The following MYBL1 variants were observed in gnomAD, a reference collection of about 807,000 sequenced individuals.
The protein encoded by MYBL1 is myb-related protein A.
MYBL1 carries 17 observed loss-of-function variants against 96.3 expected under a neutral mutation model. The ratio of observed to expected loss-of-function variants is 0.18; its 90% CI spans 0.12 to 0.26. The LOEUF (loss-of-function observed/expected upper bound fraction) is 0.26, where lower values mean the gene tolerates loss of function less well. Among genes scored for constraint, MYBL1 ranks in the 10% least tolerant of loss-of-function variants. The pLI is 1.00. For synonymous variants in MYBL1, 282 were observed against 292.7 expected, an observed-to-expected ratio of 0.96 and a Z score of 0.37; for missense variants, 701 against 882.9, an observed-to-expected ratio of 0.79 and a Z score of 2.61.
At chr8:66,575,691 G>C (rs1808908083) in intron 10 of MYBL1, among the ~76,000 whole-genome samples, 1 of 152,112 alleles carries the variant, frequency 6.6e-6, no homozygotes, top group Non-Finnish European at 1.5e-5. Flanking sequence ...TTGGGGGGCT[G>C]AGGCGGGAAG....
intron 1 of MYBL1, among the ~76,000 whole-genome samples, chr8:66,609,380 A>G (rs764878148): frequency 1.5e-4 from 23 of 152,034 alleles, no homozygotes; most frequent in Non-Finnish European, 2.5e-4. Context: ...CAAGTTGATA[A>G]TATTTTTAAT....
intron 1 of MYBL1, among the ~76,000 whole-genome samples, chr8:66,606,741 T>C (rs1320503916): frequency 6.6e-6 from 1 of 152,142 alleles, no homozygotes; most frequent in African/African-American, 2.4e-5. Context: ...CCTGAAGCCA[T>C]TGTCTATTTG....
Position 66,612,806 on chromosome 8 carries a change from G to T in MYBL1, c.20+13C>A. On this transcript the variant is annotated intron_variant, in intron 1 of 15. Coordinates refer to ENST00000522677, the MANE Select transcript of MYBL1 (RefSeq NM_001080416.4). ...CGGCGCCGACAGGCCTGGGCGAAAG[G>T]GGTGCCACCCACCTGCGCGACCTCT... 1 of 1,368,366 alleles carries T rather than the reference G, an allele frequency of 7.3e-7. No homozygotes were observed. The highest frequency in any genetic ancestry group is 2.1e-5 in the South Asian group (1 of 48,272). 84.8% of individuals were successfully genotyped at this position (1,368,366 alleles called of 1,614,324 possible).
rs1243576330 is a variant in MYBL1, at chr8:66,602,726, TA to T, written c.21-204del. 8.0e-3 allele frequency among the ~76,000 whole-genome samples: 408 copies of T among 50,926 alleles called. 2 individuals are homozygous for T. Among genetic ancestry groups the T allele is most frequent in the Non-Finnish European group, 0.01 (279 of 26,794 alleles). 33.4% of individuals were successfully genotyped at this position (50,926 alleles called of 152,430 possible). Reference sequence around the variant, plus strand: ...ATATATATATATATATATATATATATATATATATTTTTTTTTTTTTTTTTTT... The same window carrying T: ...ATATATATATATATATATATATATATTATATATTTTTTTTTTTTTTTTTTT... On this transcript the variant is annotated intron_variant, in intron 1 of 15. Transcript: ENST00000522677.
chr8:66,602,409 G>A lies in MYBL1; in HGVS notation c.126+9C>T, dbSNP rs367936713. Reference sequence around the variant, plus strand: ...TGTAAGAAACTATGAAACCTTGTCAGATAATTACCTCGTCCCTTGTCCATT... The same window carrying A: ...TGTAAGAAACTATGAAACCTTGTCAAATAATTACCTCGTCCCTTGTCCATT... On this transcript the variant is annotated intron_variant, in intron 2 of 15. Transcript: ENST00000522677. 1.2e-5 allele frequency: 19 copies of A among 1,557,232 alleles called. No individual in the cohort carries two copies. The highest frequency in any genetic ancestry group is 5.5e-5 in the African/African-American group (4 of 72,460).
chr8:66,574,379 T>C (rs1178611735), intron 10 of MYBL1, among the ~76,000 whole-genome samples: 7 of 152,194 alleles, frequency 4.6e-5, no homozygotes, highest in Admixed American at 4.6e-4. Context: ...AAACTGCTAG[T>C]ATGCCCAAGC....
chr8:66,571,815 T>C (rs1808740675), intron 12 of MYBL1, among the ~76,000 whole-genome samples: 1 of 150,404 alleles, frequency 6.6e-6, no homozygotes, highest in Non-Finnish European at 1.5e-5. Flanking sequence ...GAGGCGGAGG[T>C]TGCAGTGAGC....
rs774490729 is a variant in MYBL1 at position 66,566,806 on chromosome 8, T to C, written c.1846-18A>G. On this transcript the variant is annotated intron_variant, in intron 13 of 15. Coordinates refer to ENST00000522677, the MANE Select transcript of MYBL1 (RefSeq NM_001080416.4). The stretch of plus-strand genomic sequence containing the variant: ...GCGGTATTCTAGAATGAGTAATTTA[T>C]GTAGAAGCTTTATGGCAAAGTCTCT... 1.2e-5 allele frequency: 19 copies of C among 1,593,844 alleles called. No homozygotes were observed. In the South Asian group the frequency reaches 2.1e-4, roughly 18 times the overall value.
At chr8:66,569,478 T>A (rs889160382) in intron 12 of MYBL1, among the ~76,000 whole-genome samples, 1 of 152,016 alleles carries the variant, frequency 6.6e-6, no homozygotes, top group African/African-American at 2.4e-5. Flanking sequence ...GTCTCCCAAG[T>A]AGCTAGAGCC....
At chr8:66,592,607 C>A (rs1018353081) in intron 7 of MYBL1, 63 bp from the exon 8 acceptor site, 2 of 960,088 alleles carry the variant, frequency 2.1e-6, no homozygotes, top group Admixed American at 2.7e-5. Context: ...TATTAGTATT[C>A]TCATTTTTAT....
At chr8:66,581,229 C>CTAATATATAATATA in intron 8 of MYBL1, among the ~76,000 whole-genome samples, 1 of 152,234 alleles carries the variant, frequency 6.6e-6, no homozygotes, top group East Asian at 1.9e-4. Flanking sequence ...ATTTATCTTG[C>CTAATATATAATATA]TAATATATAA....
chr8:66,582,604 G>A (rs1442444643), intron 8 of MYBL1, among the ~76,000 whole-genome samples: 5 of 142,742 alleles, frequency 3.5e-5, no homozygotes, highest in Non-Finnish European at 7.5e-5. Flanking sequence ...TGTGGTCCCC[G>A]CTACTTGGGA....
At chr8:66,608,347 T>C (rs1810401763) in intron 1 of MYBL1, among the ~76,000 whole-genome samples, 1 of 152,118 alleles carries the variant, frequency 6.6e-6, no homozygotes, top group Non-Finnish European at 1.5e-5. Flanking sequence ...AATGGGTAAG[T>C]GTGAAGAAGC....
intron 3 of MYBL1, among the ~76,000 whole-genome samples, chr8:66,600,213 C>A (rs1460302050): frequency 1.3e-5 from 2 of 152,108 alleles, no homozygotes; most frequent in African/African-American, 2.4e-5. Context: ...GATAATGACA[C>A]CTAACACTTT....
rs1348851765 is a variant in MYBL1, at chr8:66,593,142, T to C, written c.740A>G (p.Gln247Arg). Residue 247 changes from glutamine to arginine, a missense_variant, in exon 7 of 16, where the codon CAG becomes CGG. By Grantham distance (43) the Gln-to-Arg change is conservative (BLOSUM62 1). Coordinates refer to ENST00000522677, the MANE Select transcript of MYBL1 (RefSeq NM_001080416.4). ...TACCTGAATAAAGGCAGAAGTAGGC[T>C]GAACATGTTCTATACAATTGCCTTC... ...SPEGNCIEHV[Q>R]PTSAFIQQPF... 1.3e-6 allele frequency: 2 copies of C among 1,586,802 alleles called. No individual in the cohort carries two copies. The highest frequency in any genetic ancestry group is 1.7e-6 in the Non-Finnish European group (2 of 1,164,652).
intron 9 of MYBL1, among the ~76,000 whole-genome samples, chr8:66,578,008 G>A (rs1415616242): frequency 6.6e-6 from 1 of 152,114 alleles, no homozygotes; most frequent in African/African-American, 2.4e-5. Flanking sequence ...AAATGGTGCT[G>A]GGAAAACTGG....
chr8:66,575,795 TATAA>T (rs371428727), intron 10 of MYBL1, among the ~76,000 whole-genome samples: 11 of 151,968 alleles, frequency 7.2e-5, no homozygotes, highest in East Asian at 3.9e-4. Context: ...GTCTCCAAAA[TATAA>T]ATAAATAAAT....
chr8:66,580,379 A>G lies in MYBL1; in HGVS notation c.868-13T>C. ...AACTTCCAGGCTGCTAAAGGTACAAAAGAAATTTGAATATTATTTGTCATT... is the reference window on the plus strand; with the variant it reads ...AACTTCCAGGCTGCTAAAGGTACAAGAGAAATTTGAATATTATTTGTCATT... On this transcript the variant is annotated splice_polypyrimidine_tract_variant and intron_variant, in intron 8 of 15. Transcript: ENST00000522677. The G allele has an allele frequency of 6.6e-7, 1 of 1,520,170 alleles. No homozygotes were observed. The highest frequency in any genetic ancestry group is 9.1e-7 in the Non-Finnish European group (1 of 1,104,104). The allele number at this position is 1,520,170 out of a possible 1,614,324, so 94.2% of individuals were successfully genotyped here. A position where few individuals can be genotyped will look rare whatever the true frequency, so the allele number is the denominator to read the frequency against.
intron 15 of MYBL1, 91 bp from the exon 16 acceptor site, chr8:66,564,916 TTAGA>T (rs1808445850): frequency 4.2e-6 from 3 of 721,418 alleles, no homozygotes; most frequent in Non-Finnish European, 2.0e-6. Context: ...TTTTAACTGA[TTAGA>T]TATTTTATAA....
Sources: gnomAD v4.1 joint callset for allele counts (sites outside exome capture counted in the v4.1 genomes callset) on GRCh38, gnomAD v4.1.1 for gene constraint, MANE v1.5 for transcripts, NCBI Gene and HGNC (gene_info 2026-07-23, HGNC 2026-07-21) for gene names.